INF2: variants seen among roughly 807,000 people sequenced by gnomAD.
INF2 encodes the protein inverted formin-2.
Under a neutral mutation model 123.5 loss-of-function variants are expected in INF2, and 43 were observed. The observed-to-expected ratio is 0.35, with a 90% CI of 0.27 to 0.45. The LOEUF (loss-of-function observed/expected upper bound fraction) is 0.45. Ranked by LOEUF, INF2 falls within the 20% of genes least tolerant of loss-of-function variation. The pLI is 1.00. For synonymous variants in INF2, 851 were observed against 745.0 expected (o/e 1.14, Z -2.32); for missense variants, 1,453 against 1,682.7 (o/e 0.86, Z 2.39).
chr14:104,688,476 C>G (rs1292652647), upstream of INF2, among the ~76,000 whole-genome samples: 2 of 152,262 alleles, frequency 1.3e-5, no homozygotes, highest in Non-Finnish European at 1.5e-5. Context: ...GCCCTGGCCG[C>G]CACGGCCCAC....
At chr14:104,700,579 C>T (rs893565515) in intron 1 of INF2, among the ~76,000 whole-genome samples, 2 of 152,128 alleles carry the variant, frequency 1.3e-5, no homozygotes, top group African/African-American at 4.8e-5. Context: ...GAGCTGATGT[C>T]AGAGGTGCAA....
chr14:104,712,548 C>T lies in INF2; in HGVS notation c.2605C>T (p.Leu869Phe), dbSNP rs1411695717. Residue 869 changes from leucine (L) to phenylalanine (F), a missense_variant, in exon 17 of 23, where the codon CTC (leucine) becomes TTC (phenylalanine). By Grantham distance (22) the Leu-to-Phe change is conservative (BLOSUM62 0). Around this residue, in one of 8 missense-constraint regions of INF2, gnomAD observed 212 missense variants for 266.2 expected, o/e 0.80. Transcript: ENST00000392634. ...GGTCCAGGAGCAGTACACCGAGCGC[C>T]TCCAGGCAAGTGGGCACCTGGGCCT... Reference protein sequence around the residue: ...AEVQEQYTERLQASISAFRAL... With the variant: ...AEVQEQYTERFQASISAFRAL... The T allele has an allele frequency of 6.2e-7, 1 of 1,612,658 alleles. No individual in the cohort carries two copies. Among genetic ancestry groups the T allele is most frequent in the African/African-American group, 1.3e-5 (1 of 75,058 alleles).
At chr14:104,686,992 G>A (rs183390316), upstream of INF2, among the ~76,000 whole-genome samples, 300 of 152,340 alleles carry the variant, frequency 2.0e-3, 4 homozygotes, top group African/African-American at 6.8e-3. Flanking sequence ...ATGTGGCTCC[G>A]CCTGGGTGTG....
At position 104,684,328 on chromosome 14, in the gene INF2, G is replaced by A. The variant is rs946548690; in HGVS notation, c.-104+2746G>A. ...GCTTAGCCTGCTCAGTGAGGTGCCC[G>A]AAGGAGGCCCACCAGCTCTGCCAGC... On this transcript the variant is annotated intron_variant, in intron 1 of 2. Transcript: ENST00000674723. The surrounding 1 kb of genome is among the most constrained non-coding windows in gnomAD (Gnocchi z 5.0). The A allele has an allele frequency of 8.0e-5, 26 of 325,834 alleles. No homozygotes were observed. Among genetic ancestry groups the A allele is most frequent in the South Asian group, 9.8e-5 (4 of 40,856 alleles). 20.2% of individuals were successfully genotyped at this position (325,834 alleles called of 1,614,324 possible).
In INF2 at chr14:104,713,213, A is replaced by G; in HGVS notation, c.2782A>G (p.Lys928Glu). ...GCCACATCTGCCAGTGCAGGAGAAC[A>G]AGGACCGGAAGGAGCAGGCGGCGAA... ...DLFLRALKEN[K>E]DRKEQAAKAE... is the part of the protein sequence containing the mutation. The change falls in exon 19 of 23, where the codon AAG (lysine) becomes GAG (glutamate). Residue 928 changes from lysine to glutamate, a missense_variant. Lys to Glu is a moderately conservative substitution (Grantham distance 56, BLOSUM62 1). Transcript: ENST00000392634. The G allele has an allele frequency of 6.4e-7, 1 of 1,556,046 alleles. No individual in the cohort carries two copies. Among genetic ancestry groups the G allele is most frequent in the African/African-American group, 1.4e-5 (1 of 73,396 alleles).
In INF2 at chr14:104,709,050, C is replaced by T. The variant is rs73345596; in HGVS notation, c.1950-231C>T. ...CTGGCCCGAGGGAGCTGGCTGGACC[C>T]GACCCATCCTGCATCTCCTGAGCAG... On this transcript the variant is annotated intron_variant, in intron 10 of 22. Transcript: ENST00000392634. Among the ~76,000 whole-genome samples the T allele has an allele frequency of 0.27, 40,594 of 152,084 alleles. 8,187 individuals carry two copies. Among genetic ancestry groups the T allele is most frequent in the African/African-American group, 0.57 (23,622 of 41,450 alleles).
intron 22 of INF2, among the ~76,000 whole-genome samples, chr14:104,717,236 G>A (rs951289697): frequency 2.1e-5 from 3 of 145,732 alleles, no homozygotes; most frequent in Non-Finnish European, 4.5e-5. Flanking sequence ...CCCGGGCAGG[G>A]TGCGCTGCCG....
At position 104,699,016 on chromosome 14, in the gene INF2, C is replaced by T. The variant is rs1382046691; in HGVS notation, c.-9-2341C>T. Among the ~76,000 whole-genome samples the T allele has an allele frequency of 1.3e-5, 2 of 152,180 alleles. No individual in the cohort carries two copies. The highest frequency in any genetic ancestry group is 3.8e-4 in the East Asian group (2 of 5,196). ...CTCCACCCCACTGACCAAGGGGGAT[C>T]CTCTTGACTGGGGTCTTTCAGGGGC... On this transcript the variant is annotated intron_variant, in intron 1 of 22. Transcript: ENST00000392634. This position sits in a 1 kb window ranked among gnomAD's most constrained non-coding sequence, Gnocchi z 4.7.
chr14:104,706,256 G>A (rs559330192), intron 6 of INF2, 80 bp downstream of exon 6: 10 of 1,414,488 alleles, frequency 7.1e-6, no homozygotes, highest in Admixed American at 6.2e-5. Flanking sequence ...GGCCTGGAAC[G>A]GTCCTCCCTG....
In INF2 at chr14:104,689,619, C is replaced by T; in HGVS notation, c.-130C>T. ...GCCCGCCCCGCCCGCCCCGCGCCCG[C>T]CAGGAGCCACCGTCCGAGCCTTGCG... On this transcript the variant is annotated 5_prime_UTR_variant, in exon 1 of 23. Transcript: ENST00000392634. The T allele has an allele frequency of 1.1e-6, 1 of 905,308 alleles. No homozygotes were observed. The highest frequency in any genetic ancestry group is 1.3e-6 in the Non-Finnish European group (1 of 757,236). The allele number at this position is 905,308 out of a possible 1,614,324, so 56.1% of individuals were successfully genotyped here.
chr14:104,707,603 CT>C lies in INF2; in HGVS notation c.1337del (p.Leu446ArgfsTer112). On this transcript the variant is annotated frameshift_variant, in exon 8 of 23. Coordinates refer to ENST00000392634, the MANE Select transcript of INF2 (RefSeq NM_022489.4). LOFTEE classifies it high-confidence loss of function. ...CCCTCCCCCTCCCCCACCACCCCCC[CT>C]GCCCAGTGTGGGGGCTAAGGCCCTC... ...EPPPPPPPPP[L>X]PSVGAKALPT... is the part of the protein sequence containing the mutation. 3 of 1,177,220 alleles carry C rather than the reference CT, an allele frequency of 2.5e-6. No individual in the cohort carries two copies. Among genetic ancestry groups the C allele is most frequent in the Non-Finnish European group, 2.4e-6 (2 of 845,384 alleles). 72.9% of individuals were successfully genotyped at this position (1,177,220 alleles called of 1,614,324 possible).
upstream of INF2, among the ~76,000 whole-genome samples, chr14:104,687,068 C>T (rs371988025): frequency 1.9e-3 from 296 of 152,280 alleles, 3 homozygotes; most frequent in African/African-American, 6.7e-3. The surrounding 1 kb of genome is among the most constrained non-coding windows in gnomAD (Gnocchi z 5.6). Context: ...AGCTGGGGGC[C>T]GGCACTTGTG....
At chr14:104,710,704 T>C in intron 13 of INF2, 1 of 582,750 alleles carries the variant, frequency 1.7e-6, no homozygotes, top group Non-Finnish European at 3.1e-6. Flanking sequence ...GAGGGACAGG[T>C]ACGGACCAGT....
chr14:104,701,660 C>T lies in INF2; in HGVS notation c.295C>T (p.Leu99Phe). The T allele has an allele frequency of 6.3e-7, 1 of 1,594,294 alleles. No individual in the cohort carries two copies. Among genetic ancestry groups the T allele is most frequent in the South Asian group, 1.1e-5 (1 of 89,526 alleles). ...VARISDALLQ[L>F]TCVSCVRAVM... ...ACGTATCTCCGACGCCCTGCTGCAG[C>T]TCACCTGCGTCAGCTGCGTGCGCGC... is the stretch of plus-strand genomic sequence containing the variant. The change falls in exon 2 of 23, where the codon CTC (leucine) becomes TTC (phenylalanine). Residue 99 changes from leucine (L) to phenylalanine (F), a missense_variant. Leu to Phe is a conservative substitution (Grantham distance 22). This residue lies in a region of INF2 where 251 missense variants were observed against 349.4 expected (regional missense o/e 0.72). Transcript: ENST00000392634.
chr14:104,691,593 G>A (rs1056749115), intron 1 of INF2, among the ~76,000 whole-genome samples: 1 of 152,202 alleles, frequency 6.6e-6, no homozygotes, highest in Non-Finnish European at 1.5e-5. Context: ...ATGGTGGACG[G>A]GAAGGCCGGG....
chr14:104,693,441 G>A (rs1418043960), intron 1 of INF2, among the ~76,000 whole-genome samples: 1 of 152,220 alleles, frequency 6.6e-6, no homozygotes, highest in Non-Finnish European at 1.5e-5. Context: ...CCATTTTGCA[G>A]ACGAGGGCTA....
chr14:104,704,611 G>C (rs1368293889), intron 5 of INF2: 2 of 154,080 alleles, frequency 1.3e-5, no homozygotes, highest in East Asian at 1.9e-4. Flanking sequence ...GATGATCGGG[G>C]GTGGAACAGT....
Position 104,707,501 on chromosome 14 carries a change from A to G in INF2, c.1234A>G (p.Arg412Gly). ...SESILKVSQP[R>G]ALEQQASTPP... The stretch of plus-strand genomic sequence containing the variant: ...GAGCATCCTGAAAGTTTCGCAGCCC[A>G]GAGCCCTGGAGCAGCAGGCGTCCAC... Residue 412 changes from arginine (R) to glycine (G), a missense_variant, in exon 8 of 23, where the codon AGA becomes GGA. This residue lies in a region of INF2 where 374 missense variants were observed against 303.7 expected (regional missense o/e 1.23). Coordinates refer to ENST00000392634, the MANE Select transcript of INF2 (RefSeq NM_022489.4). The G allele has an allele frequency of 6.5e-7, 1 of 1,547,872 alleles. No homozygotes were observed. Among genetic ancestry groups the G allele is most frequent in the Non-Finnish European group, 8.7e-7 (1 of 1,146,634 alleles).
intron 22 of INF2, among the ~76,000 whole-genome samples, chr14:104,717,831 C>T (rs916032931): frequency 2.0e-5 from 3 of 152,196 alleles, no homozygotes; most frequent in Non-Finnish European, 2.9e-5. Flanking sequence ...TGGAACCAAC[C>T]GCTGCAGCGC....
Sources: allele counts gnomAD v4.1 joint callset (sites outside exome capture counted in the v4.1 genomes callset), GRCh38; gene constraint gnomAD v4.1.1; regional missense constraint gnomAD v4.1.1; non-coding constraint Gnocchi (gnomAD v3.1); transcripts MANE v1.5; gene names NCBI Gene and HGNC (gene_info 2026-07-23, HGNC 2026-07-21).